The following PTPRF variants were observed in gnomAD, a reference collection of about 807,000 sequenced individuals.
The protein encoded by PTPRF is receptor-type tyrosine-protein phosphatase F.
In PTPRF, 59 loss-of-function variants were observed where a neutral mutation model predicts 201.8. The ratio of observed to expected loss-of-function variants is 0.29; its 90% CI spans 0.24 to 0.36. The LOEUF (loss-of-function observed/expected upper bound fraction) is 0.36. Ranked by LOEUF, PTPRF falls within the 10% of genes least tolerant of loss-of-function variation. The pLI, the probability that PTPRF is intolerant of heterozygous loss-of-function variation, is 1.00. For synonymous variants in PTPRF, 1,088 were observed against 1,089.7 expected (o/e 1.00, Z 0.03); for missense variants, 2,132 against 2,690.5 (o/e 0.79, Z 4.59).
chr1:43,563,313 T>C (rs1257224844), intron 5 of PTPRF, among the ~76,000 whole-genome samples: 1 of 152,062 alleles, frequency 6.6e-6, no homozygotes, highest in Non-Finnish European at 1.5e-5. Flanking sequence ...ATTCATGTAC[T>C]AGAGGAGGAC....
At chr1:43,567,344 T>G (rs939979076) in intron 5 of PTPRF, among the ~76,000 whole-genome samples, 3 of 152,220 alleles carry the variant, frequency 2.0e-5, no homozygotes, top group African/African-American at 7.2e-5. Context: ...TCCGTCCTCC[T>G]TCCCTTCTCT....
intron 5 of PTPRF, among the ~76,000 whole-genome samples, chr1:43,568,526 C>CA (rs1646345526): frequency 6.6e-6 from 1 of 152,180 alleles, no homozygotes; most frequent in South Asian, 2.1e-4. Context: ...AGTAGCCTTA[C>CA]CATCAAGGTG....
rs199942675 is a variant in PTPRF at position 43,603,759 on chromosome 1, T to G, written c.2607T>G (p.Asp869Glu). Residue 869 changes from aspartate to glutamate, a missense_variant, in exon 16 of 34, where the codon GAT (aspartate) becomes GAG (glutamate). Physicochemically the swap from Asp to Glu is conservative, Grantham distance 45 (BLOSUM62 2). Transcript: ENST00000359947. This position sits in a 1 kb window ranked among gnomAD's most constrained non-coding sequence, Gnocchi z 5.8. ...ACGAGGCGCGGCCCAACACCATAGA[T>G]TTCGGCAAGGATGACCAGCACTTCA... ...RADEARPNTI[D>E]FGKDDQHFTV... is the part of the protein sequence containing the mutation. 6.2e-7 allele frequency: 1 copy of G among 1,613,862 alleles called. No homozygotes were observed. The highest frequency in any genetic ancestry group is 2.2e-5 in the East Asian group (1 of 44,856).
At chr1:43,618,259 T>C (rs780651768) in intron 25 of PTPRF, among the ~76,000 whole-genome samples, 7 of 152,150 alleles carry the variant, frequency 4.6e-5, no homozygotes, top group Non-Finnish European at 8.8e-5. Flanking sequence ...CCTAAGTTAA[T>C]TAGTGGAAAG....
At chr1:43,555,413 G>C (rs1025433982) in intron 5 of PTPRF, among the ~76,000 whole-genome samples, 1 of 148,482 alleles carries the variant, frequency 6.7e-6, no homozygotes, top group Non-Finnish European at 1.5e-5. Flanking sequence ...CATCTTCCTT[G>C]CCACTAAATA....
chr1:43,590,767 TG>T (rs1382926270), intron 8 of PTPRF, among the ~76,000 whole-genome samples: 5 of 152,152 alleles, frequency 3.3e-5, no homozygotes, highest in Non-Finnish European at 7.4e-5. Flanking sequence ...AGGCCCTGGG[TG>T]GGGCACTGAC....
intron 1 of PTPRF, among the ~76,000 whole-genome samples, chr1:43,536,279 G>T (rs1282878930): frequency 6.6e-6 from 1 of 152,168 alleles, no homozygotes; most frequent in African/African-American, 2.4e-5. Flanking sequence ...CTGATAGGTT[G>T]TTTTGAGGTC....
chr1:43,616,630 C>A (rs1349625028), intron 23 of PTPRF, among the ~76,000 whole-genome samples: 1 of 151,970 alleles, frequency 6.6e-6, no homozygotes, highest in Non-Finnish European at 1.5e-5. Context: ...TGGCCTGGCA[C>A]TGAGGGGTGA....
chr1:43,609,589 C>T, intron 22 of PTPRF, 91 bp downstream of exon 22: 2 of 893,566 alleles, frequency 2.2e-6, no homozygotes, highest in Non-Finnish European at 3.5e-6. Flanking sequence ...CACTGAAGTT[C>T]CTGGGCCGCA....
Position 43,606,442 on chromosome 1 carries a change from A to G in PTPRF, c.3686A>G (p.Lys1229Arg). Reference protein sequence around the residue: ...SYQCFVLASLKEPMDQKRYAS... With the variant: ...SYQCFVLASLREPMDQKRYAS... ...CAGTGCTTTGTGCTTGCCTCCTTGA[A>G]GGAACCCATGGACCAGGTCTGCCTG... The change falls in exon 20 of 34, where the codon AAG becomes AGG. Residue 1229 changes from lysine to arginine, a missense_variant. By Grantham distance (26) the Lys-to-Arg change is conservative. Transcript: ENST00000359947. 1.2e-6 allele frequency: 2 copies of G among 1,613,774 alleles called. No homozygotes were observed. The highest frequency in any genetic ancestry group is 1.7e-6 in the Non-Finnish European group (2 of 1,179,864).
intron 6 of PTPRF, among the ~76,000 whole-genome samples, chr1:43,576,543 C>T (rs2153994722): frequency 6.6e-6 from 1 of 152,346 alleles, no homozygotes; most frequent in African/African-American, 2.4e-5. Flanking sequence ...CGCTAGGCTG[C>T]CTCCACGCAG....
intron 2 of PTPRF, among the ~76,000 whole-genome samples, chr1:43,539,553 T>G (rs1203258469): frequency 1.3e-5 from 2 of 152,154 alleles, no homozygotes. Context: ...GAAGGAAATG[T>G]GTATGTCCTG....
In PTPRF at chr1:43,620,434, G is replaced by A. The variant is rs367696457; in HGVS notation, c.5239-20G>A. On this transcript the variant is annotated intron_variant, in intron 30 of 33. Coordinates refer to ENST00000359947, the MANE Select transcript of PTPRF (RefSeq NM_002840.5). Reference sequence around the variant, plus strand: ...TATTCCTTCTCACCTGATTATGGGGGCCCGACCCTCTGTCCACAGGAGAAA... The same window carrying A: ...TATTCCTTCTCACCTGATTATGGGGACCCGACCCTCTGTCCACAGGAGAAA... 6.4e-5 allele frequency: 103 copies of A among 1,602,526 alleles called. No homozygotes were observed. In the East Asian group the frequency reaches 8.3e-4, roughly 13 times the overall value.
In PTPRF at chr1:43,592,511, G is replaced by C. The variant is rs1447021392; in HGVS notation, c.1723G>C (p.Asp575His). The change falls in exon 11 of 34, where the codon GAC becomes CAC. Residue 575 changes from aspartate (D) to histidine (H), a missense_variant. Asp to His is a moderately conservative substitution (Grantham distance 81, BLOSUM62 -1). Coordinates refer to ENST00000359947, the MANE Select transcript of PTPRF (RefSeq NM_002840.5). ...SSYTLEDLKPDTLYRFQLAAR... is the reference protein window; with the variant it reads ...SSYTLEDLKPHTLYRFQLAAR... ...CTACACACTAGAGGACCTGAAGCCT[G>C]ACACACTCTACCGCTTCCAGCTGGC... 4.3e-6 allele frequency: 7 copies of C among 1,613,114 alleles called. No homozygotes were observed. Among genetic ancestry groups the C allele is most frequent in the Non-Finnish European group, 5.1e-6 (6 of 1,179,710 alleles).
intron 7 of PTPRF, 136 bp downstream of exon 7, chr1:43,579,056 C>G: frequency 1.2e-6 from 1 of 832,312 alleles, no homozygotes; most frequent in Non-Finnish European, 2.0e-6. Flanking sequence ...CTGCTTCTTT[C>G]TGCAGCAGCA....
At chr1:43,539,824 G>T (rs1363988974) in intron 2 of PTPRF, among the ~76,000 whole-genome samples, 1 of 152,202 alleles carries the variant, frequency 6.6e-6, no homozygotes, top group Non-Finnish European at 1.5e-5. Flanking sequence ...GTCTGGTGGG[G>T]TGCAGATGGG....
intron 5 of PTPRF, among the ~76,000 whole-genome samples, chr1:43,569,389 C>T (rs187140465): frequency 2.6e-5 from 4 of 152,096 alleles, no homozygotes; most frequent in Non-Finnish European, 5.9e-5. Context: ...AGGGGTGGGC[C>T]CCACTGCAGC....
Position 43,597,785 on chromosome 1 carries a change from C to T in PTPRF, c.1851C>T (p.Ser617=). The part of the protein sequence containing the change: ...SAPPQKVMCV[S]MGSTTVRVSW... ...CTCCCCAGAAGGTGATGTGTGTGAG[C>T]ATGGGCTCCACCACGGTCCGGGTAA... Residue 617 remains serine (S), a synonymous_variant, in exon 12 of 34, where the codon AGC becomes AGT. Coordinates refer to ENST00000359947, the MANE Select transcript of PTPRF (RefSeq NM_002840.5). 1 of 1,604,578 alleles carries T rather than the reference C, an allele frequency of 6.2e-7. No individual in the cohort carries two copies. The highest frequency in any genetic ancestry group is 8.5e-7 in the Non-Finnish European group (1 of 1,176,300).
intron 7 of PTPRF, among the ~76,000 whole-genome samples, chr1:43,586,329 A>G (rs1649139040): frequency 6.6e-6 from 1 of 152,210 alleles, no homozygotes; most frequent in African/African-American, 2.4e-5. Context: ...CTGATCTGCA[A>G]ACAGACTTGC....
Sources: gnomAD v4.1 joint callset for allele counts (sites outside exome capture counted in the v4.1 genomes callset) on GRCh38, gnomAD v4.1.1 for gene constraint, Gnocchi (gnomAD v3.1) non-coding constraint, MANE v1.5 for transcripts, NCBI Gene and HGNC (gene_info 2026-07-23, HGNC 2026-07-21) for gene names.